The following WWOX variants were observed in gnomAD, a reference collection of about 807,000 sequenced individuals.
WWOX encodes the protein WW domain containing oxidoreductase.
Under a neutral mutation model 46.2 loss-of-function variants are expected in WWOX, and 69 were observed. The ratio of observed to expected loss-of-function variants is 1.49; its 90% CI spans 1.23 to 1.82. The LOEUF (loss-of-function observed/expected upper bound fraction) is 1.82, where lower values mean the gene tolerates loss of function less well. Among genes scored for constraint, WWOX ranks in the 40% most tolerant of loss-of-function variants. The probability of loss-of-function intolerance (pLI) is 0.00; values close to 1 mark genes in which losing one functional copy is unlikely to be tolerated. For missense variants in WWOX, 919 were observed against 542.6 expected, an observed-to-expected ratio of 1.69 and a Z score of -6.89; for synonymous variants, 359 against 202.6, an observed-to-expected ratio of 1.77 and a Z score of -6.56.
intron 1 of WWOX, among the ~76,000 whole-genome samples, chr16:78,104,308 A>G (rs2032000362): frequency 6.8e-6 from 1 of 147,284 alleles, no homozygotes; most frequent in Non-Finnish European, 1.5e-5. Context: ...TCTCCCTGCT[A>G]ACTTACACTG....
rs776969977 is a variant in WWOX at position 78,115,032 on chromosome 16, A to G, written c.287A>G (p.Asp96Gly). 14 of 1,614,188 alleles carry G rather than the reference A, an allele frequency of 8.7e-6. No homozygotes were observed. The highest frequency in any genetic ancestry group is 1.7e-5 in the Admixed American group (1 of 60,016). The change falls in exon 4 of 9, where the codon GAT becomes GGT. Residue 96 changes from aspartate to glycine, a missense_variant. Coordinates refer to ENST00000566780, the MANE Select transcript of WWOX (RefSeq NM_016373.4). ...CCAAGACTGGCGTTTACTGTGGATG[A>G]TAATCCGACCAAGCCAACCACCCGG... ...LDPRLAFTVD[D>G]NPTKPTTRQR...
Position 79,021,182 on chromosome 16 carries a change from C to T in WWOX, c.1057-190426C>T, listed in dbSNP as rs970440044. On this transcript the variant is annotated intron_variant, in intron 8 of 8. Transcript: ENST00000566780. Reference sequence around the variant, plus strand: ...GAATATGTTTATAAAGACAAGGAAACGCCATTCTGCAAATCTACATGCAGT... The same window carrying T: ...GAATATGTTTATAAAGACAAGGAAATGCCATTCTGCAAATCTACATGCAGT... 2.1e-4 allele frequency among the ~76,000 whole-genome samples: 32 copies of T among 152,290 alleles called. No homozygotes were observed. In the East Asian group the frequency reaches 2.9e-3, roughly 14 times the overall value.
chr16:78,667,692 A>AT (rs1198823480), intron 8 of WWOX, among the ~76,000 whole-genome samples: 3 of 151,118 alleles, frequency 2.0e-5, no homozygotes, highest in Non-Finnish European at 4.4e-5. Context: ...AAAAAAAAAA[A>AT]AGATAATGAT....
intron 8 of WWOX, among the ~76,000 whole-genome samples, chr16:78,691,921 A>C (rs533015958): frequency 6.6e-6 from 1 of 152,276 alleles, no homozygotes; most frequent in East Asian, 1.9e-4. Flanking sequence ...AGCCTTTCCC[A>C]TGCTATTCTC....
intron 8 of WWOX, among the ~76,000 whole-genome samples, chr16:78,591,147 C>T (rs542314217): frequency 2.0e-5 from 3 of 152,248 alleles, no homozygotes; most frequent in East Asian, 1.9e-4. Context: ...GTTTCACCCC[C>T]CTTTCTCCCT....
chr16:78,745,582 T>A (rs562176957), intron 8 of WWOX, among the ~76,000 whole-genome samples: 1 of 151,210 alleles, frequency 6.6e-6, no homozygotes, highest in African/African-American at 2.4e-5. Context: ...ATGTAACATT[T>A]TAAAGCCCTT....
intron 8 of WWOX, among the ~76,000 whole-genome samples, chr16:79,033,069 C>T (rs561757435): frequency 6.6e-6 from 1 of 150,810 alleles, no homozygotes; most frequent in East Asian, 1.9e-4. Context: ...TGGCCTCCAG[C>T]TCCATCCATG....
chr16:78,844,037 AT>A (rs1240184072), intron 8 of WWOX, among the ~76,000 whole-genome samples: 1 of 152,178 alleles, frequency 6.6e-6, no homozygotes, highest in African/African-American at 2.4e-5. Flanking sequence ...GACTGCTGGA[AT>A]TTGGTAACAT....
At chr16:78,152,319 G>A (rs562336297) in intron 4 of WWOX, among the ~76,000 whole-genome samples, 2 of 151,996 alleles carry the variant, frequency 1.3e-5, no homozygotes, top group Non-Finnish European at 2.9e-5. Context: ...TAACCTAATT[G>A]ATAAAACATT....
chr16:78,354,526 A>G (rs2081246050), intron 5 of WWOX, among the ~76,000 whole-genome samples: 1 of 152,116 alleles, frequency 6.6e-6, no homozygotes, highest in African/African-American at 2.4e-5. Flanking sequence ...ACTGGAAAAC[A>G]TTTCTAGTTT....
chr16:78,996,780 G>A (rs1357162932), intron 8 of WWOX, among the ~76,000 whole-genome samples: 1 of 152,120 alleles, frequency 6.6e-6, no homozygotes, highest in African/African-American at 2.4e-5. Flanking sequence ...CTTCCCACCT[G>A]CCTCGTATGG....
intron 8 of WWOX, among the ~76,000 whole-genome samples, chr16:78,862,068 G>C (rs769441853): frequency 7.3e-6 from 1 of 137,556 alleles, no homozygotes; most frequent in Non-Finnish European, 1.7e-5. Flanking sequence ...AGAGATATAT[G>C]CATATCTATA....
intron 8 of WWOX, among the ~76,000 whole-genome samples, chr16:78,613,811 A>G (rs2045955973): frequency 6.6e-6 from 1 of 152,214 alleles, no homozygotes; most frequent in Non-Finnish European, 1.5e-5. Context: ...TTCAGAATTC[A>G]GAAGTTTTCA....
At chr16:78,790,251 C>T (rs572918365) in intron 8 of WWOX, among the ~76,000 whole-genome samples, 1 of 152,238 alleles carries the variant, frequency 6.6e-6, no homozygotes, top group Non-Finnish European at 1.5e-5. Context: ...TGTCCTGCCT[C>T]AGCCTCCCTA....
At chr16:78,171,601 C>G (rs1021192012) in intron 5 of WWOX, among the ~76,000 whole-genome samples, 11 of 152,206 alleles carry the variant, frequency 7.2e-5, no homozygotes, top group Admixed American at 7.2e-4. Flanking sequence ...CTCCATTGTT[C>G]TGAACGATCT....
At chr16:79,085,805 G>A (rs908615599) in intron 8 of WWOX, among the ~76,000 whole-genome samples, 13 of 152,124 alleles carry the variant, frequency 8.5e-5, no homozygotes, top group Non-Finnish European at 1.9e-4. Flanking sequence ...CAGCACTTGC[G>A]GAAGCTGAGA....
chr16:78,785,864 T>C, intron 8 of WWOX, among the ~76,000 whole-genome samples: 1 of 151,984 alleles, frequency 6.6e-6, no homozygotes, highest in Admixed American at 6.5e-5. Context: ...ATGTAGCATC[T>C]GTAGAGCGAC....
At chr16:79,007,325 A>G (rs765882547) in intron 8 of WWOX, among the ~76,000 whole-genome samples, 1 of 152,234 alleles carries the variant, frequency 6.6e-6, no homozygotes, top group Non-Finnish European at 1.5e-5. Flanking sequence ...ACTCTAAAAC[A>G]TGAGGAAAGG....
At chr16:79,054,451 C>T (rs1036315778) in intron 8 of WWOX, among the ~76,000 whole-genome samples, 1 of 152,176 alleles carries the variant, frequency 6.6e-6, no homozygotes, top group Non-Finnish European at 1.5e-5. Flanking sequence ...AGGGAGAAGT[C>T]TTTCCAAAAT....
Sources: gnomAD v4.1 joint callset for allele counts (sites outside exome capture counted in the v4.1 genomes callset) on GRCh38, gnomAD v4.1.1 for gene constraint, MANE v1.5 for transcripts, NCBI Gene and HGNC (gene_info 2026-07-23, HGNC 2026-07-21) for gene names.